ZSWIM5: variants seen among roughly 807,000 people sequenced by gnomAD.
ZSWIM5 encodes zinc finger SWIM domain-containing protein 5.
A neutral mutation model predicts 119.6 loss-of-function variants in ZSWIM5; 55 were observed. That is an observed-to-expected ratio of 0.46 (90% CI 0.37 to 0.58). The LOEUF (loss-of-function observed/expected upper bound fraction) is 0.58, where lower values mean the gene tolerates loss of function less well. Among genes scored for constraint, ZSWIM5 ranks in the 20% least tolerant of loss-of-function variants. The pLI, the probability that ZSWIM5 is intolerant of heterozygous loss-of-function variation, is 0.00. For synonymous variants in ZSWIM5, 537 were observed against 606.9 expected (o/e 0.88, Z 1.69); for missense variants, 1,193 against 1,512.8 (o/e 0.79, Z 3.51).
chr1:45,037,376 GCTGGGATTA>G (rs1644991917), intron 8 of ZSWIM5, among the ~76,000 whole-genome samples: 2 of 152,312 alleles, frequency 1.3e-5, no homozygotes, highest in Admixed American at 1.3e-4. Flanking sequence ...CTCCCAAAGT[GCTGGGATTA>G]CAGGCGAGAG....
chr1:45,081,835 A>C (rs1193945186), intron 2 of ZSWIM5, among the ~76,000 whole-genome samples: 5 of 152,146 alleles, frequency 3.3e-5, no homozygotes, highest in African/African-American at 9.7e-5. Flanking sequence ...TGTACCCAAC[A>C]GCTCATTGAG....
chr1:45,114,642 T>G (rs1392680742), intron 1 of ZSWIM5, among the ~76,000 whole-genome samples: 2 of 150,778 alleles, frequency 1.3e-5, no homozygotes, highest in African/African-American at 4.9e-5. Flanking sequence ...GTACTCTGTA[T>G]CTTTTTTTTT....
intron 1 of ZSWIM5, among the ~76,000 whole-genome samples, chr1:45,127,773 C>T (rs1179495085): frequency 6.6e-5 from 10 of 151,946 alleles, no homozygotes; most frequent in African/African-American, 2.4e-4. Flanking sequence ...TGAGTTCAGT[C>T]AGGTCACATG....
chr1:45,180,187 AG>A (rs1257121106), intron 1 of ZSWIM5, among the ~76,000 whole-genome samples: 4 of 152,156 alleles, frequency 2.6e-5, no homozygotes, highest in Admixed American at 2.6e-4. Flanking sequence ...GGTCAAGGAC[AG>A]GGGTGACAGA....
intron 1 of ZSWIM5, among the ~76,000 whole-genome samples, chr1:45,142,851 T>A (rs1049438853): frequency 8.8e-5 from 13 of 146,978 alleles, no homozygotes; most frequent in African/African-American, 2.7e-4. Flanking sequence ...CAACAGTATT[T>A]AAAAAAAAAA....
intron 11 of ZSWIM5, among the ~76,000 whole-genome samples, chr1:45,024,187 C>CT (rs1368942267): frequency 9.6e-6 from 1 of 104,030 alleles, no homozygotes; most frequent in African/African-American, 3.2e-5. Context: ...TCTTTCTTTT[C>CT]TTTTCTTTTT....
intron 10 of ZSWIM5, among the ~76,000 whole-genome samples, chr1:45,034,744 G>A (rs1298834116): frequency 6.6e-6 from 1 of 152,148 alleles, no homozygotes; most frequent in Non-Finnish European, 1.5e-5. Flanking sequence ...TAAAAAGAGA[G>A]AAAAGTTAAT....
chr1:45,181,226 G>C (rs968821074), intron 1 of ZSWIM5, among the ~76,000 whole-genome samples: 1 of 152,084 alleles, frequency 6.6e-6, no homozygotes, highest in African/African-American at 2.4e-5. Context: ...AACCAATACA[G>C]AGAAGTGCTT....
At chr1:45,089,809 C>T (rs1645353381) in intron 1 of ZSWIM5, among the ~76,000 whole-genome samples, 1 of 151,826 alleles carries the variant, frequency 6.6e-6, no homozygotes, top group Non-Finnish European at 1.5e-5. Flanking sequence ...CCTGTCTCTA[C>T]ACAAAATAAA....
chr1:45,205,631 C>T, intron 1 of ZSWIM5, 125 bp downstream of exon 1: 1 of 1,041,104 alleles, frequency 9.6e-7, no homozygotes, highest in Non-Finnish European at 1.3e-6. Context: ...GTGACTTGTT[C>T]GTCCTTCGGC....
At chr1:45,034,615 A>G (rs1644971988) in intron 10 of ZSWIM5, 146 bp from the exon 11 acceptor site, 3 of 890,468 alleles carry the variant, frequency 3.4e-6, no homozygotes, top group Non-Finnish European at 4.9e-6. Context: ...CTATGGTACT[A>G]TACACTATAT....
At chr1:45,184,673 T>C (rs867831840) in intron 1 of ZSWIM5, among the ~76,000 whole-genome samples, 23,029 of 150,136 alleles carry the variant, frequency 0.15, 2,393 homozygotes, top group African/African-American at 0.29. Context: ...AATAAAATAC[T>C]TAGGTATCCA....
intron 1 of ZSWIM5, among the ~76,000 whole-genome samples, chr1:45,126,313 G>A (rs1234823754): frequency 1.3e-5 from 2 of 150,676 alleles, no homozygotes; most frequent in East Asian, 3.9e-4. Flanking sequence ...AAAAAGAGAA[G>A]ACACAATACC....
rs774168631 is a variant in ZSWIM5, at chr1:45,139,694, ATTTTTTT to A, written c.596-51464_596-51458del. ...TTCTTTCCTTCTTTTGCTTTCTTCG[ATTTTTTT>A]TTTTTTTTTTTTTTTTTGGTAGAGA... On this transcript the variant is annotated intron_variant, in intron 1 of 13. Coordinates refer to ENST00000359600, the MANE Select transcript of ZSWIM5 (RefSeq NM_020883.2). Among the ~76,000 whole-genome samples, 75 of 67,348 alleles carry A rather than the reference ATTTTTTT, an allele frequency of 1.1e-3. 1 individual carries two copies. The highest frequency in any genetic ancestry group is 0.026 in the Middle Eastern group (2 of 78). 44.2% of individuals were successfully genotyped at this position (67,348 alleles called of 152,430 possible).
chr1:45,039,183 A>C, intron 7 of ZSWIM5, 110 bp from the exon 8 acceptor site: 1 of 1,334,930 alleles, frequency 7.5e-7, no homozygotes, highest in Middle Eastern at 1.9e-4. Context: ...GAGTCAAATA[A>C]AAGCTTCTCT....
intron 1 of ZSWIM5, among the ~76,000 whole-genome samples, chr1:45,205,445 C>A (rs2149059294): frequency 6.6e-6 from 1 of 152,292 alleles, no homozygotes; most frequent in Admixed American, 6.5e-5. Flanking sequence ...CAACACATTT[C>A]TGAAATTATT....
At chr1:45,144,518 A>G (rs1645749577) in intron 1 of ZSWIM5, among the ~76,000 whole-genome samples, 1 of 152,164 alleles carries the variant, frequency 6.6e-6, no homozygotes, top group Admixed American at 6.5e-5. Flanking sequence ...GCTGGACAAC[A>G]GCGTGAGACC....
intron 1 of ZSWIM5, among the ~76,000 whole-genome samples, chr1:45,175,678 C>G (rs1645975782): frequency 6.6e-6 from 1 of 151,694 alleles, no homozygotes; most frequent in Non-Finnish European, 1.5e-5. Flanking sequence ...TCTCAAACTC[C>G]TGGGCTCATG....
chr1:45,163,595 G>A (rs2149042439), intron 1 of ZSWIM5, among the ~76,000 whole-genome samples: 1 of 152,308 alleles, frequency 6.6e-6, no homozygotes, highest in South Asian at 2.1e-4. Flanking sequence ...TGGACGAATT[G>A]CTAACTAGAA....
Sources: allele counts gnomAD v4.1 joint callset (sites outside exome capture counted in the v4.1 genomes callset), GRCh38; gene constraint gnomAD v4.1.1; transcripts MANE v1.5; gene names NCBI Gene and HGNC (gene_info 2026-07-23, HGNC 2026-07-21).